The following HAUS4 variants were observed in gnomAD, a reference collection of about 807,000 sequenced individuals.
HAUS4 encodes the protein HAUS augmin like complex subunit 4, also known as HAUS augmin-like complex subunit 4.
A neutral mutation model predicts 50.6 loss-of-function variants in HAUS4; 34 were observed. The ratio of observed to expected loss-of-function variants is 0.67; its 90% CI spans 0.51 to 0.90. The LOEUF is 0.90. Among genes scored for constraint, HAUS4 ranks in the 40% least tolerant of loss-of-function variants. The pLI is 0.00. For synonymous variants in HAUS4, 149 were observed against 161.4 expected, an observed-to-expected ratio of 0.92 and a Z score of 0.58; for missense variants, 370 against 428.7, an observed-to-expected ratio of 0.86 and a Z score of 1.21.
At chr14:22,955,462 T>C in intron 1 of HAUS4, 1 of 347,854 alleles carries the variant, frequency 2.9e-6, no homozygotes, top group East Asian at 5.5e-5. Context: ...AACTTTCCAA[T>C]TCACTGAGTC....
intron 5 of HAUS4, among the ~76,000 whole-genome samples, chr14:22,951,169 G>GC (rs1555356089): frequency 2.1e-5 from 3 of 144,578 alleles, no homozygotes; most frequent in Non-Finnish European, 3.1e-5. Flanking sequence ...CCTGGCTTTT[G>GC]TTTTGTTTTT....
chr14:22,947,886 C>G lies in HAUS4; in HGVS notation c.690G>C (p.Lys230Asn). Residue 230 changes from lysine (K) to asparagine (N), a missense_variant, in exon 7 of 10, where the codon AAG becomes AAC. Transcript: ENST00000541587. Reference protein sequence around the residue: ...QKEQMLLLEKKSAAYSQVLLR... With the variant: ...QKEQMLLLEKNSAAYSQVLLR... The stretch of plus-strand genomic sequence containing the variant: ...GATAAACCTGGGAGTAAGCAGCACT[C>G]TTCTTCTCCAGCAGCAACATCTGCT... The G allele has an allele frequency of 6.2e-7, 1 of 1,613,464 alleles. No individual in the cohort carries two copies. The highest frequency in any genetic ancestry group is 8.5e-7 in the Non-Finnish European group (1 of 1,179,760).
chr14:22,951,644 G>A lies in HAUS4; in HGVS notation c.376C>T (p.Arg126Trp), dbSNP rs764472995. 2.1e-5 allele frequency: 34 copies of A among 1,613,858 alleles called. No homozygotes were observed. The highest frequency in any genetic ancestry group is 9.9e-5 in the South Asian group (9 of 91,064). ...EQRLLVTELM[R>W]LLGPSQEREI... Reference sequence around the variant, plus strand: ...CTCTCCTGGCTAGGACCTAAGAGCCGCATCAGTTCAGTTACAAGCAGCCGC... The same window carrying A: ...CTCTCCTGGCTAGGACCTAAGAGCCACATCAGTTCAGTTACAAGCAGCCGC... The change falls in exon 5 of 10, where the codon CGG (arginine) becomes TGG (tryptophan). Residue 126 changes from arginine (R) to tryptophan (W), a missense_variant. By Grantham distance (101) the Arg-to-Trp change is moderately radical (BLOSUM62 -3). Transcript: ENST00000541587.
At chr14:22,948,065 T>C (rs1287408909) in intron 6 of HAUS4, 52 bp from the exon 7 acceptor site, 1 of 1,512,190 alleles carries the variant, frequency 6.6e-7, no homozygotes, top group Admixed American at 2.2e-5. Context: ...CTACAATCCC[T>C]GTAAAGCAAC....
rs1185296771 is a variant in HAUS4, at chr14:22,950,365, G to A, written c.511C>T (p.Gln171Ter). 1 of 1,613,112 alleles carries A rather than the reference G, an allele frequency of 6.2e-7. No individual in the cohort carries two copies. The highest frequency in any genetic ancestry group is 2.2e-5 in the East Asian group (1 of 44,876). The change falls in exon 6 of 10, where the codon CAG becomes TAG. Residue 171 changes from glutamine to a stop codon, truncating the protein, a stop_gained. Transcript: ENST00000541587. LOFTEE classifies it high-confidence loss of function. The part of the protein sequence containing the change: ...RARLQQEVEE[Q>*]LKKKCFTLLC... Reference sequence around the variant, plus strand: ...AGAGTGAAACATTTCTTTTTGAGCTGCTCCTCTACTTCTTGCTGTAGCCGA... The same window carrying A: ...AGAGTGAAACATTTCTTTTTGAGCTACTCCTCTACTTCTTGCTGTAGCCGA...
chr14:22,947,219 A>G lies in HAUS4; in HGVS notation c.860T>C (p.Leu287Ser), dbSNP rs538449237. 15 of 1,609,332 alleles carry G rather than the reference A, an allele frequency of 9.3e-6. No individual in the cohort carries two copies. In the South Asian group the frequency reaches 1.4e-4, roughly 15 times the overall value. Residue 287 changes from leucine (L) to serine (S), a missense_variant, in exon 9 of 10, where the codon TTG becomes TCG. Physicochemically the swap from Leu to Ser is moderately radical, Grantham distance 145. Coordinates refer to ENST00000541587, the MANE Select transcript of HAUS4 (RefSeq NM_001166269.2). The stretch of plus-strand genomic sequence containing the variant: ...TTTCTCAACAGTGTAAGTGTCGGAC[A>G]AAATCTTTAGCTCCTCCATCCTGAC... ...LKLRMEELKI[L>S]SDTYTVEKVE...
chr14:22,952,256 G>A (rs554836273), intron 4 of HAUS4, 72 bp downstream of exon 4: 54 of 1,266,954 alleles, frequency 4.3e-5, no homozygotes, highest in Non-Finnish European at 5.9e-5. Flanking sequence ...GACCTCAAGT[G>A]ATCAGCCTGC....
chr14:22,949,204 A>T (rs1356936247), intron 6 of HAUS4, among the ~76,000 whole-genome samples: 1 of 149,468 alleles, frequency 6.7e-6, no homozygotes, highest in African/African-American at 2.5e-5. Flanking sequence ...GTTCAGACTC[A>T]GGTGTTAAGC....
rs1455303105 is a variant in HAUS4 at position 22,953,201 on chromosome 14, G to A, written c.56-518C>T. On this transcript the variant is annotated intron_variant, in intron 2 of 9. Transcript: ENST00000541587. ...GTCTCACTCTGTCACCCAGGCTGGA[G>A]TGCAGTGGCACAATCACAGCTCACT... Among the ~76,000 whole-genome samples the A allele has an allele frequency of 4.0e-5, 6 of 151,824 alleles. No homozygotes were observed. The South Asian group carries it at 1.2e-3, about 32-fold the overall frequency.
chr14:22,950,378 T>C lies in HAUS4; in HGVS notation c.498A>G (p.Gln166=), dbSNP rs2044730920. ...DFVWMRARLQ[Q]EVEEQLKKKC... ...TCTTTTTGAGCTGCTCCTCTACTTC[T>C]TGCTGTAGCCGAGCCCTCATCCACA... Residue 166 remains glutamine, a synonymous_variant, in exon 6 of 10, where the codon CAA becomes CAG. Coordinates refer to ENST00000541587, the MANE Select transcript of HAUS4 (RefSeq NM_001166269.2). 1 of 1,613,060 alleles carries C rather than the reference T, an allele frequency of 6.2e-7. No individual in the cohort carries two copies. The highest frequency in any genetic ancestry group is 1.1e-5 in the South Asian group (1 of 91,066).
At position 22,946,342 on chromosome 14, in the gene HAUS4, G is replaced by A. The variant is rs1389312515; in HGVS notation, c.*183C>T. On this transcript the variant is annotated 3_prime_UTR_variant, in exon 10 of 10. Coordinates refer to ENST00000541587, the MANE Select transcript of HAUS4 (RefSeq NM_001166269.2). Reference sequence around the variant, plus strand: ...AATCTCCTTGCTAGATTTTCCAGAAGAGGCCCAGTCATAAAAAATAAAGAG... The same window carrying A: ...AATCTCCTTGCTAGATTTTCCAGAAAAGGCCCAGTCATAAAAAATAAAGAG... The A allele has an allele frequency of 2.3e-6, 1 of 441,086 alleles. No individual in the cohort carries two copies. The highest frequency in any genetic ancestry group is 4.0e-6 in the Non-Finnish European group (1 of 250,618). 27.3% of individuals were successfully genotyped at this position (441,086 alleles called of 1,614,324 possible).
intron 6 of HAUS4, 131 bp from the exon 7 acceptor site, chr14:22,948,144 C>T: frequency 4.1e-6 from 4 of 976,832 alleles, no homozygotes; most frequent in Non-Finnish European, 5.9e-6. Flanking sequence ...TTCTAATAAT[C>T]TATTAAAAAT....
intron 2 of HAUS4, among the ~76,000 whole-genome samples, chr14:22,953,452 T>A (rs536087341): frequency 3.3e-5 from 5 of 151,890 alleles, no homozygotes; most frequent in Admixed American, 2.6e-4. Context: ...TCTTTTTTAT[T>A]TTTTTCTTTT....
At chr14:22,956,494 C>G (rs188190888) in intron 1 of HAUS4, among the ~76,000 whole-genome samples, 1 of 151,706 alleles carries the variant, frequency 6.6e-6, no homozygotes, top group African/African-American at 2.4e-5. Context: ...GTTCGTCCCC[C>G]CCTAGGGTAA....
rs186257123 is a variant in HAUS4 at position 22,946,934 on chromosome 14, C to T, written c.909-226G>A. On this transcript the variant is annotated intron_variant, in intron 9 of 9. Coordinates refer to ENST00000541587, the MANE Select transcript of HAUS4 (RefSeq NM_001166269.2). ...GAGTAGCTGGGATTACAGGCACATGCCACCATGCCCAGCTAATTTTTGTAT... is the reference window on the plus strand; with the variant it reads ...GAGTAGCTGGGATTACAGGCACATGTCACCATGCCCAGCTAATTTTTGTAT... Among the ~76,000 whole-genome samples, 7 of 152,110 alleles carry T rather than the reference C, an allele frequency of 4.6e-5. No homozygotes were observed. The East Asian group carries it at 1.4e-3, about 29-fold the overall frequency.
chr14:22,950,070 G>T (rs532530629), intron 6 of HAUS4, among the ~76,000 whole-genome samples: 1 of 151,268 alleles, frequency 6.6e-6, no homozygotes, highest in Non-Finnish European at 1.5e-5. Context: ...GGAGCTTGCG[G>T]TGAACAGAAA....
chr14:22,947,759 G>T, intron 7 of HAUS4, 28 bp from the exon 8 acceptor site: 1 of 1,613,202 alleles, frequency 6.2e-7, no homozygotes, highest in Non-Finnish European at 8.5e-7. Flanking sequence ...GAAGAAGAGG[G>T]CATAAATAAA....
Position 22,951,605 on chromosome 14 carries a change from G to C in HAUS4, c.415C>G (p.Leu139Val). Residue 139 changes from leucine (L) to valine (V), a missense_variant, in exon 5 of 10, where the codon CTG becomes GTG. Coordinates refer to ENST00000541587, the MANE Select transcript of HAUS4 (RefSeq NM_001166269.2). ...GPSQEREIPP[L>V]LGLEKADLLE... Reference sequence around the variant, plus strand: ...AGGTCCGCTTTCTCCAGCCCCAGCAGTGGAGGTATCTCCCTCTCCTGGCTA... The same window carrying C: ...AGGTCCGCTTTCTCCAGCCCCAGCACTGGAGGTATCTCCCTCTCCTGGCTA... 1 of 1,614,064 alleles carries C rather than the reference G, an allele frequency of 6.2e-7. No homozygotes were observed. The highest frequency in any genetic ancestry group is 8.5e-7 in the Non-Finnish European group (1 of 1,179,958).
chr14:22,948,364 C>A, intron 6 of HAUS4: 1 of 162,942 alleles, frequency 6.1e-6, no homozygotes, highest in Non-Finnish European at 1.3e-5. Flanking sequence ...GTGAGAGGAT[C>A]ACTTGAGCCC....
Sources: allele counts gnomAD v4.1 joint callset (sites outside exome capture counted in the v4.1 genomes callset), GRCh38; gene constraint gnomAD v4.1.1; transcripts MANE v1.5; gene names NCBI Gene and HGNC (gene_info 2026-07-23, HGNC 2026-07-21).